Variants in CRISP2 observed in about 807,000 individuals in gnomAD.
The protein encoded by CRISP2 is cysteine-rich secretory protein 2.
Under a neutral mutation model 31.7 loss-of-function variants are expected in CRISP2, and 29 were observed. The observed-to-expected ratio is 0.92, with a 90% CI of 0.68 to 1.25. The LOEUF is 1.25. Ranked by LOEUF, CRISP2 falls within the 50% of genes most tolerant of loss-of-function variation. The probability of loss-of-function intolerance (pLI) is 0.00; values close to 1 mark genes in which losing one functional copy is unlikely to be tolerated. For synonymous variants in CRISP2, 111 were observed against 101.4 expected, an observed-to-expected ratio of 1.09 and a Z score of -0.57; for missense variants, 318 against 286.5, an observed-to-expected ratio of 1.11 and a Z score of -0.79.
At chr6:49,713,930 C>A (rs185397451), upstream of CRISP2, among the ~76,000 whole-genome samples, 3 of 152,286 alleles carry the variant, frequency 2.0e-5, no homozygotes, top group Admixed American at 2.0e-4. Flanking sequence ...CTTAAGTTTG[C>A]AGTGCGCTGC....
At chr6:49,703,361 T>G (rs1041416251) in intron 4 of CRISP2, among the ~76,000 whole-genome samples, 15 of 152,108 alleles carry the variant, frequency 9.9e-5, no homozygotes, top group Non-Finnish European at 1.6e-4. Context: ...TGAAAAATGA[T>G]GATGGTATTT....
chr6:49,686,727 C>T, the CRISP2 span, among the ~76,000 whole-genome samples: 1 of 152,208 alleles, frequency 6.6e-6, no homozygotes, highest in South Asian at 2.1e-4. Context: ...GATTATAAAT[C>T]ATGCTACTAT....
At chr6:49,682,931 G>T in the CRISP2 span, among the ~76,000 whole-genome samples, 1 of 151,578 alleles carries the variant, frequency 6.6e-6, no homozygotes, top group African/African-American at 2.4e-5. Flanking sequence ...GGCCGAAAAG[G>T]GGGGATCACC....
chr6:49,687,167 C>T, the CRISP2 span, among the ~76,000 whole-genome samples: 1 of 152,138 alleles, frequency 6.6e-6, no homozygotes, highest in Admixed American at 6.5e-5. Context: ...CAAACCTGCA[C>T]ATTGTGCACA....
At position 49,692,809 on chromosome 6, in the gene CRISP2, G is replaced by A; in HGVS notation, c.696C>T (p.Cys232=). Residue 232 remains cysteine, a synonymous_variant, in exon 10 of 10, where the codon TGC becomes TGT. Coordinates refer to ENST00000339139, the MANE Select transcript of CRISP2 (RefSeq NM_003296.4). ...GCEHELLKEK[C]KATCLCENKI... ...TGTTCTCACATAGGCAAGTAGCCTTGCACTTTTCCTTGAGTAACTCATGTT... is the reference window on the plus strand; with the variant it reads ...TGTTCTCACATAGGCAAGTAGCCTTACACTTTTCCTTGAGTAACTCATGTT... The A allele has an allele frequency of 1.2e-6, 2 of 1,613,722 alleles. No homozygotes were observed. The highest frequency in any genetic ancestry group is 1.3e-5 in the African/African-American group (1 of 75,046).
rs531372070 is a variant in CRISP2, at chr6:49,694,048, C to T, written c.605-1148G>A. 6.6e-5 allele frequency among the ~76,000 whole-genome samples: 10 copies of T among 152,308 alleles called. No homozygotes were observed. In the South Asian group the frequency reaches 1.7e-3, roughly 25 times the overall value. On this transcript the variant is annotated intron_variant, in intron 9 of 9. Transcript: ENST00000339139. Reference sequence around the variant, plus strand: ...AAAGAATTAATTATCCTAGTCTTTGCAGTCTGGGCTTGTTTGTACCTGTTT... The same window carrying T: ...AAAGAATTAATTATCCTAGTCTTTGTAGTCTGGGCTTGTTTGTACCTGTTT...
intron 5 of CRISP2, among the ~76,000 whole-genome samples, chr6:49,700,290 C>T (rs1026441603): frequency 5.9e-5 from 9 of 152,074 alleles, no homozygotes; most frequent in Admixed American, 3.9e-4. Flanking sequence ...ATCGGAGATA[C>T]CAGTCTTTCA....
At chr6:49,709,741 G>A (rs534813099) in intron 3 of CRISP2, among the ~76,000 whole-genome samples, 1 of 152,306 alleles carries the variant, frequency 6.6e-6, no homozygotes, top group East Asian at 1.9e-4. Context: ...CCCTAATGGA[G>A]TAACTAGAAG....
chr6:49,682,133 C>A, the CRISP2 span, among the ~76,000 whole-genome samples: 1 of 152,052 alleles, frequency 6.6e-6, no homozygotes, highest in East Asian at 1.9e-4. Context: ...TTCATCCTTT[C>A]CTCATCTTCT....
intron 4 of CRISP2, among the ~76,000 whole-genome samples, chr6:49,703,114 G>A (rs1386374727): frequency 6.6e-6 from 1 of 152,072 alleles, no homozygotes; most frequent in Non-Finnish European, 1.5e-5. Flanking sequence ...CTTTGTTGAA[G>A]GTCAGTTGGC....
At chr6:49,687,171 G>T in the CRISP2 span, among the ~76,000 whole-genome samples, 1 of 152,110 alleles carries the variant, frequency 6.6e-6, no homozygotes, top group African/African-American at 2.4e-5. Flanking sequence ...CCTGCACATT[G>T]TGCACATGTG....
At chr6:49,695,714 T>G in intron 9 of CRISP2, 122 bp downstream of exon 9, 1 of 687,796 alleles carries the variant, frequency 1.5e-6, no homozygotes, top group Non-Finnish European at 2.4e-6. Context: ...TTGAATAATT[T>G]TGGGTTTTTT....
intron 4 of CRISP2, among the ~76,000 whole-genome samples, chr6:49,708,325 CT>C (rs1249624537): frequency 2.0e-5 from 3 of 152,116 alleles, no homozygotes; most frequent in Non-Finnish European, 4.4e-5. Context: ...AGGTGGTAGA[CT>C]CCAAAAAGAC....
the CRISP2 span, among the ~76,000 whole-genome samples, chr6:49,686,944 A>C: frequency 6.6e-6 from 1 of 152,144 alleles, no homozygotes; most frequent in Non-Finnish European, 1.5e-5. Context: ...TCAGCAAACT[A>C]TCTCAAGGAC....
intron 9 of CRISP2, among the ~76,000 whole-genome samples, chr6:49,694,861 G>C (rs1473588632): frequency 6.6e-6 from 1 of 151,566 alleles, no homozygotes. Context: ...AGCCTCCTGA[G>C]TAGCTGGGAC....
chr6:49,709,713 C>T (rs541058092), intron 3 of CRISP2, among the ~76,000 whole-genome samples: 10 of 152,234 alleles, frequency 6.6e-5, no homozygotes, highest in African/African-American at 2.4e-4. Context: ...TGTGCAAATA[C>T]TTTATTAGCT....
chr6:49,694,444 GATACCAATCTGC>G (rs1206764899), intron 9 of CRISP2, among the ~76,000 whole-genome samples: 4 of 152,238 alleles, frequency 2.6e-5, no homozygotes, highest in East Asian at 3.9e-4. Flanking sequence ...CACCAATCTG[GATACCAATCTGC>G]ATACCAATCT....
chr6:49,681,512 G>C, the CRISP2 span, among the ~76,000 whole-genome samples: 11 of 152,106 alleles, frequency 7.2e-5, no homozygotes, highest in African/African-American at 2.7e-4. Context: ...GAATTCTGCT[G>C]AAACTTTAGA....
chr6:49,710,613 C>A (rs2127438147), intron 3 of CRISP2, among the ~76,000 whole-genome samples: 1 of 152,264 alleles, frequency 6.6e-6, no homozygotes, highest in African/African-American at 2.4e-5. Context: ...AACAGCCATA[C>A]TTTTCCATTT....
Sources: gnomAD v4.1 joint callset for allele counts (sites outside exome capture counted in the v4.1 genomes callset) on GRCh38, gnomAD v4.1.1 for gene constraint, MANE v1.5 for transcripts, NCBI Gene and HGNC (gene_info 2026-07-23, HGNC 2026-07-21) for gene names.